Variants in PDE4B observed in about 807,000 individuals in gnomAD.
PDE4B encodes the protein 3',5'-cyclic-AMP phosphodiesterase 4B.
Under a neutral mutation model 82.2 loss-of-function variants are expected in PDE4B, and 20 were observed. The observed-to-expected ratio is 0.24, with a 90% CI of 0.17 to 0.35. The LOEUF (loss-of-function observed/expected upper bound fraction) is 0.35, where lower values mean the gene tolerates loss of function less well. Ranked by LOEUF, PDE4B falls within the 10% of genes least tolerant of loss-of-function variation. PDE4B has a pLI of 1.00. For missense variants in PDE4B, 655 were observed against 907.2 expected (o/e 0.72, Z 3.57); for synonymous variants, 320 against 318.9 (o/e 1.00, Z -0.04).
chr1:66,215,199 G>A (rs902683085), intron 3 of PDE4B, among the ~76,000 whole-genome samples: 1 of 152,054 alleles, frequency 6.6e-6, no homozygotes, highest in Admixed American at 6.5e-5. Flanking sequence ...CAGGTCATAG[G>A]CAACAAGCCA....
chr1:66,030,744 G>C (rs1018619271), intron 3 of PDE4B, among the ~76,000 whole-genome samples: 1 of 152,160 alleles, frequency 6.6e-6, no homozygotes, highest in Admixed American at 6.5e-5. Context: ...ATAAAGAAAA[G>C]TGGTACATAT....
chr1:66,291,536 A>G (rs1180933488), intron 7 of PDE4B, among the ~76,000 whole-genome samples: 1 of 152,212 alleles, frequency 6.6e-6, no homozygotes, highest in Admixed American at 6.6e-5. Flanking sequence ...AAAATGAGAC[A>G]CTAATTGTGG....
At chr1:65,893,259 A>G (rs1646871792) in intron 1 of PDE4B, among the ~76,000 whole-genome samples, 1 of 152,158 alleles carries the variant, frequency 6.6e-6, no homozygotes, top group African/African-American at 2.4e-5. Flanking sequence ...AAATGCAAAG[A>G]TCTTTGACTT....
At chr1:65,926,694 A>T (rs916681626) in intron 3 of PDE4B, among the ~76,000 whole-genome samples, 1 of 152,158 alleles carries the variant, frequency 6.6e-6, no homozygotes, top group Non-Finnish European at 1.5e-5. Context: ...TTGTAGGCCT[A>T]CATAGAATTG....
intron 3 of PDE4B, among the ~76,000 whole-genome samples, chr1:65,987,266 T>C (rs1651001683): frequency 6.6e-6 from 1 of 152,174 alleles, no homozygotes; most frequent in South Asian, 2.1e-4. Flanking sequence ...TATCAGGTAG[T>C]ATGGGCTAAA....
chr1:65,854,045 A>T (rs537461170), intron 1 of PDE4B, among the ~76,000 whole-genome samples: 3 of 151,954 alleles, frequency 2.0e-5, no homozygotes, highest in Non-Finnish European at 4.4e-5. Context: ...GCCTAGGGTT[A>T]TTATAGATGA....
chr1:65,933,659 A>C (rs1647964331), intron 3 of PDE4B, among the ~76,000 whole-genome samples: 1 of 152,038 alleles, frequency 6.6e-6, no homozygotes, highest in Admixed American at 6.5e-5. Flanking sequence ...CAACAGGGCG[A>C]GAATCCGTCT....
At chr1:65,814,435 C>CT (rs201803634) in intron 1 of PDE4B, among the ~76,000 whole-genome samples, 1,675 of 151,786 alleles carry the variant, frequency 0.011, 33 homozygotes, top group African/African-American at 0.039. Context: ...TTCTGTAATG[C>CT]TTTTTTTTAA....
intron 1 of PDE4B, among the ~76,000 whole-genome samples, chr1:65,873,416 G>A (rs1646597327): frequency 6.6e-6 from 1 of 152,114 alleles, no homozygotes; most frequent in African/African-American, 2.4e-5. Flanking sequence ...ATATTTTTAG[G>A]TATCAGAATG....
chr1:66,214,960 C>T (rs895329562), intron 3 of PDE4B, among the ~76,000 whole-genome samples: 1 of 152,000 alleles, frequency 6.6e-6, no homozygotes, highest in African/African-American at 2.4e-5. Context: ...AGAACAGGTA[C>T]TGGAGTGTGG....
intron 3 of PDE4B, among the ~76,000 whole-genome samples, chr1:66,102,796 G>A (rs1028923536): frequency 3.3e-5 from 5 of 151,982 alleles, no homozygotes; most frequent in Admixed American, 3.3e-4. Flanking sequence ...TCAATGACAG[G>A]AAATTAATAA....
chr1:66,056,488 CT>C (rs374426446), intron 3 of PDE4B, among the ~76,000 whole-genome samples: 32,551 of 119,304 alleles, frequency 0.27, 3,681 homozygotes, highest in Admixed American at 0.3. Context: ...TATCTATCAT[CT>C]ATCTATCTAT....
intron 3 of PDE4B, chr1:65,992,641 A>T: frequency 1.1e-6 from 1 of 905,590 alleles, no homozygotes; most frequent in Non-Finnish European, 1.4e-6. Context: ...GACAAACCTC[A>T]TCCACAAGGA....
chr1:66,123,250 A>T, intron 3 of PDE4B, among the ~76,000 whole-genome samples: 1 of 152,212 alleles, frequency 6.6e-6, no homozygotes, highest in East Asian at 1.9e-4. Context: ...ACTGAGTTCA[A>T]CGTGTATGAT....
intron 3 of PDE4B, among the ~76,000 whole-genome samples, chr1:66,174,755 GCAA>G (rs143629032): frequency 0.41 from 61,623 of 148,968 alleles, 12,897 homozygotes; most frequent in Non-Finnish European, 0.45. Context: ...CTCAAAAAAA[GCAA>G]CAACAACAAC....
At chr1:66,369,220 TG>T (rs756126273) in intron 16 of PDE4B, among the ~76,000 whole-genome samples, 11 of 152,214 alleles carry the variant, frequency 7.2e-5, no homozygotes, top group Non-Finnish European at 1.6e-4. Context: ...TTTAGATAGT[TG>T]TCTCTGATGT....
chr1:66,236,059 A>C (rs1652413295), intron 3 of PDE4B, among the ~76,000 whole-genome samples: 1 of 152,234 alleles, frequency 6.6e-6, no homozygotes, highest in Admixed American at 6.5e-5. Flanking sequence ...TAAAAAGTAC[A>C]GAGGAAGTTT....
rs921129393 is a variant in PDE4B, at chr1:65,792,969, C to G, written c.-350C>G. Among the ~76,000 whole-genome samples, 1 of 151,780 alleles carries G rather than the reference C, an allele frequency of 6.6e-6. No homozygotes were observed. Among genetic ancestry groups the G allele is most frequent in the African/African-American group, 2.4e-5 (1 of 41,374 alleles). ...CTGGCGCGGGTTCCCCAGGCTAGCCCGCTGGCCCGTCCGCGCGCGCGCCCC... is the reference window on the plus strand; with the variant it reads ...CTGGCGCGGGTTCCCCAGGCTAGCCGGCTGGCCCGTCCGCGCGCGCGCCCC... On this transcript the variant is annotated 5_prime_UTR_variant, in exon 1 of 17. Coordinates refer to ENST00000341517, the MANE Select transcript of PDE4B (RefSeq NM_002600.4).
At chr1:66,241,272 G>GAAA (rs1337086136) in intron 3 of PDE4B, among the ~76,000 whole-genome samples, 16 of 152,182 alleles carry the variant, frequency 1.1e-4, no homozygotes, top group Non-Finnish European at 1.5e-5. Context: ...GTTTTTCACA[G>GAAA]CTTAGTCCTT....
Sources: allele counts gnomAD v4.1 joint callset (sites outside exome capture counted in the v4.1 genomes callset), GRCh38; gene constraint gnomAD v4.1.1; transcripts MANE v1.5; gene names NCBI Gene and HGNC (gene_info 2026-07-23, HGNC 2026-07-21).